Variants in ITGA9 observed in about 807,000 individuals in gnomAD.
The protein encoded by ITGA9 is integrin subunit alpha 9.
A neutral mutation model predicts 127.8 loss-of-function variants in ITGA9; 56 were observed. The ratio of observed to expected loss-of-function variants is 0.44; its 90% CI spans 0.35 to 0.55. The LOEUF (loss-of-function observed/expected upper bound fraction) is 0.55, where lower values mean the gene tolerates loss of function less well. Ranked by LOEUF, ITGA9 falls within the 20% of genes least tolerant of loss-of-function variation. The pLI, the probability that ITGA9 is intolerant of heterozygous loss-of-function variation, is 0.00. For synonymous variants in ITGA9, 508 were observed against 514.5 expected (o/e 0.99, Z 0.17); for missense variants, 1,196 against 1,347.1 (o/e 0.89, Z 1.76).
intron 23 of ITGA9, among the ~76,000 whole-genome samples, chr3:37,766,975 G>A (rs1028401942): frequency 6.6e-6 from 1 of 152,190 alleles, no homozygotes; most frequent in South Asian, 2.1e-4. Flanking sequence ...CTTTGTCTGG[G>A]GAACTTGTCT....
chr3:37,622,825 ACT>A (rs951691538), intron 15 of ITGA9, among the ~76,000 whole-genome samples: 1 of 151,100 alleles, frequency 6.6e-6, no homozygotes, highest in African/African-American at 2.4e-5. Flanking sequence ...ACAGAGTGAA[ACT>A]CTGTCAAAAA....
rs199796341 is a variant in ITGA9 at position 37,473,389 on chromosome 3, C to T, written c.349C>T (p.Arg117Trp). Residue 117 changes from arginine to tryptophan, a missense_variant, in exon 3 of 28, where the codon CGG (arginine) becomes TGG (tryptophan). By Grantham distance (101) the Arg-to-Trp change is moderately radical (BLOSUM62 -3). Coordinates refer to ENST00000264741, the MANE Select transcript of ITGA9 (RefSeq NM_002207.3). ...GGGCACGTCCTGCGGAAAGACCTGC[C>T]GGGAAGACCGCGATGATGAGTGGAT... ...NRGTSCGKTC[R>W]EDRDDEWMGV... 129 of 1,614,062 alleles carry T rather than the reference C, an allele frequency of 8.0e-5. No individual in the cohort carries two copies. The highest frequency in any genetic ancestry group is 4.9e-4 in the Middle Eastern group (3 of 6,062).
chr3:37,498,016 T>C (rs1365588570), intron 5 of ITGA9, among the ~76,000 whole-genome samples: 1 of 152,024 alleles, frequency 6.6e-6, no homozygotes. Context: ...GCAGAGAATA[T>C]GAAGGAAATG....
At chr3:37,773,702 G>C (rs1429861140) in intron 23 of ITGA9, among the ~76,000 whole-genome samples, 2 of 152,088 alleles carry the variant, frequency 1.3e-5, no homozygotes, top group African/African-American at 2.4e-5. Flanking sequence ...TCTGGAGTGA[G>C]AGACAAGTTC....
intron 15 of ITGA9, among the ~76,000 whole-genome samples, chr3:37,547,147 C>CA (rs11442374): frequency 0.018 from 2,700 of 152,266 alleles, 65 homozygotes; most frequent in African/African-American, 0.061. Flanking sequence ...AACCATGTGT[C>CA]AGACACTGTC....
intron 18 of ITGA9, among the ~76,000 whole-genome samples, chr3:37,717,865 A>C (rs1382584510): frequency 6.6e-6 from 1 of 152,194 alleles, no homozygotes; most frequent in African/African-American, 2.4e-5. Context: ...TAACTAGTAG[A>C]CTTTTTAGTT....
At chr3:37,454,138 C>T (rs1698232583) in intron 1 of ITGA9, among the ~76,000 whole-genome samples, 1 of 152,208 alleles carries the variant, frequency 6.6e-6, no homozygotes, top group African/African-American at 2.4e-5. Flanking sequence ...AAAGGGCGGG[C>T]AGCTGAGCAG....
At chr3:37,519,026 C>A (rs760544009) in intron 10 of ITGA9, among the ~76,000 whole-genome samples, 1 of 151,292 alleles carries the variant, frequency 6.6e-6, no homozygotes, top group Admixed American at 6.6e-5. Flanking sequence ...CTCAGGCGAC[C>A]TGCCCGCCTT....
chr3:37,453,485 A>G (rs1196267373), intron 1 of ITGA9, among the ~76,000 whole-genome samples: 3 of 152,160 alleles, frequency 2.0e-5, no homozygotes, highest in Non-Finnish European at 4.4e-5. Flanking sequence ...CTCCTTGGCC[A>G]CATCCTCTGG....
chr3:37,533,518 G>A, intron 14 of ITGA9, 50 bp downstream of exon 14: 4 of 1,586,022 alleles, frequency 2.5e-6, no homozygotes, highest in Non-Finnish European at 3.5e-6. Flanking sequence ...GCTGGAGTGG[G>A]CTAGTGGGAT....
At chr3:37,547,753 G>A (rs174831) in intron 15 of ITGA9, among the ~76,000 whole-genome samples, 71,044 of 151,902 alleles carry the variant, frequency 0.47, 17,141 homozygotes, top group East Asian at 0.73. Context: ...AAAAGGGGAC[G>A]CCAACCTTAG....
chr3:37,795,221 A>G (rs1308460267), intron 26 of ITGA9, among the ~76,000 whole-genome samples: 1 of 152,044 alleles, frequency 6.6e-6, no homozygotes, highest in Non-Finnish European at 1.5e-5. Flanking sequence ...CTCCTCTTGG[A>G]TGGTATTGAC....
rs773225956 is a variant in ITGA9, at chr3:37,513,823, G to C, written c.958G>C (p.Asp320His). 3.1e-6 allele frequency: 5 copies of C among 1,613,966 alleles called. No homozygotes were observed. The South Asian group carries it at 5.5e-5, about 18-fold the overall frequency. The stretch of plus-strand genomic sequence containing the variant: ...TGACCTGAATGGGGACGGCCTCTCT[G>C]ACCTGCTGGTGGGGGCCCCCATGTT... ...AVDLNGDGLSDLLVGAPMFSE... is the reference protein window; with the variant it reads ...AVDLNGDGLSHLLVGAPMFSE... The change falls in exon 9 of 28, where the codon GAC (aspartate) becomes CAC (histidine). Residue 320 changes from aspartate to histidine, a missense_variant. Asp to His is a moderately conservative substitution (Grantham distance 81). Coordinates refer to ENST00000264741, the MANE Select transcript of ITGA9 (RefSeq NM_002207.3).
At chr3:37,801,670 T>C (rs968938267) in intron 26 of ITGA9, among the ~76,000 whole-genome samples, 1 of 152,040 alleles carries the variant, frequency 6.6e-6, no homozygotes, top group African/African-American at 2.4e-5. Context: ...TAGCCAGCCA[T>C]GCACAACCTC....
intron 18 of ITGA9, among the ~76,000 whole-genome samples, chr3:37,716,476 A>G (rs1701136757): frequency 6.6e-6 from 1 of 151,580 alleles, no homozygotes; most frequent in Non-Finnish European, 1.5e-5. Flanking sequence ...AGACACAGAA[A>G]AGGTTGCTCA....
At chr3:37,794,982 C>T (rs1459235951) in intron 26 of ITGA9, among the ~76,000 whole-genome samples, 1 of 152,140 alleles carries the variant, frequency 6.6e-6, no homozygotes, top group Non-Finnish European at 1.5e-5. Context: ...ACATTTATTC[C>T]AGCCCCAACC....
intron 1 of ITGA9, 112 bp from the exon 2 acceptor site, chr3:37,470,895 T>G: frequency 9.4e-7 from 1 of 1,061,576 alleles, no homozygotes; most frequent in East Asian, 2.4e-5. Flanking sequence ...AATAATATGA[T>G]TTTCAAAGTG....
intron 15 of ITGA9, among the ~76,000 whole-genome samples, chr3:37,587,773 T>C (rs1025002279): frequency 6.6e-6 from 1 of 152,242 alleles, no homozygotes; most frequent in East Asian, 1.9e-4. Context: ...GTTCTCCGTT[T>C]TATGAGAGAA....
intron 18 of ITGA9, among the ~76,000 whole-genome samples, chr3:37,702,878 ACACT>A (rs1310076224): frequency 6.6e-6 from 1 of 152,088 alleles, no homozygotes; most frequent in African/African-American, 2.4e-5. Context: ...AATTCCGTTG[ACACT>A]CACTGACCAC....
Sources: allele counts gnomAD v4.1 joint callset (sites outside exome capture counted in the v4.1 genomes callset), GRCh38; gene constraint gnomAD v4.1.1; transcripts MANE v1.5; gene names NCBI Gene and HGNC (gene_info 2026-07-23, HGNC 2026-07-21).